GABRB2: variants seen among roughly 807,000 people sequenced by gnomAD.
GABRB2 encodes the protein gamma-aminobutyric acid receptor subunit beta-2.
A neutral mutation model predicts 54.7 loss-of-function variants in GABRB2; 16 were observed. The observed-to-expected ratio is 0.29, with a 90% confidence interval of 0.20 to 0.44. GABRB2 has a LOEUF of 0.44. Among genes scored for constraint, GABRB2 ranks in the 20% least tolerant of loss-of-function variants. The pLI is 1.00. For missense variants in GABRB2, 355 were observed against 644.0 expected (o/e 0.55, Z 4.86); for synonymous variants, 244 against 233.8 (o/e 1.04, Z -0.40).
intron 9 of GABRB2, among the ~76,000 whole-genome samples, chr5:161,295,735 A>G (rs901120483): frequency 2.0e-5 from 3 of 152,248 alleles, no homozygotes; most frequent in African/African-American, 7.2e-5. Context: ...CTTTTGAGAA[A>G]TAGAAGCTAT....
At chr5:161,538,725 G>T (rs1388645638) in intron 3 of GABRB2, among the ~76,000 whole-genome samples, 2 of 152,138 alleles carry the variant, frequency 1.3e-5, no homozygotes, top group African/African-American at 4.8e-5. Flanking sequence ...TCGGGAGACT[G>T]AGATGAGAGA....
At chr5:161,316,188 A>C (rs1013073141) in intron 9 of GABRB2, among the ~76,000 whole-genome samples, 32 of 152,162 alleles carry the variant, frequency 2.1e-4, no homozygotes, top group African/African-American at 7.5e-4. Flanking sequence ...ATTTTTTGAC[A>C]GAGGTTGACA....
At chr5:161,544,722 G>A (rs1760917934) in intron 3 of GABRB2, among the ~76,000 whole-genome samples, 1 of 152,164 alleles carries the variant, frequency 6.6e-6, no homozygotes, top group Non-Finnish European at 1.5e-5. Flanking sequence ...AGCAAACAAT[G>A]GAGTTGGGGC....
At chr5:161,486,733 A>G (rs1016033368) in intron 3 of GABRB2, among the ~76,000 whole-genome samples, 3 of 151,696 alleles carry the variant, frequency 2.0e-5, no homozygotes, top group African/African-American at 7.3e-5. Context: ...CTATCCTCCT[A>G]AGTCTCCTCC....
intron 3 of GABRB2, among the ~76,000 whole-genome samples, chr5:161,492,824 C>T (rs1759122787): frequency 6.6e-6 from 1 of 151,738 alleles, no homozygotes; most frequent in Non-Finnish European, 1.5e-5. Flanking sequence ...TGATAGATCT[C>T]AGACATCTTT....
chr5:161,534,703 T>C (rs1028249733), intron 3 of GABRB2, among the ~76,000 whole-genome samples: 2 of 152,082 alleles, frequency 1.3e-5, no homozygotes, highest in Admixed American at 1.3e-4. Flanking sequence ...TGCCTAAAAA[T>C]AGATGAATTA....
intron 3 of GABRB2, among the ~76,000 whole-genome samples, chr5:161,522,416 T>C (rs1168165038): frequency 2.0e-5 from 3 of 151,770 alleles, no homozygotes; most frequent in Non-Finnish European, 4.4e-5. Context: ...GAGTTAGCAA[T>C]GCACTTATTC....
intron 4 of GABRB2, among the ~76,000 whole-genome samples, chr5:161,444,756 G>A (rs1757568648): frequency 6.6e-6 from 1 of 152,052 alleles, no homozygotes; most frequent in Non-Finnish European, 1.5e-5. Flanking sequence ...TTTTCTACTA[G>A]ATGGGACAAT....
intron 9 of GABRB2, among the ~76,000 whole-genome samples, chr5:161,313,544 C>T (rs1303184732): frequency 4.7e-5 from 7 of 150,128 alleles, no homozygotes; most frequent in Non-Finnish European, 1.5e-5. Context: ...AGTGGACTGA[C>T]TGCCGTTAGA....
intron 4 of GABRB2, among the ~76,000 whole-genome samples, chr5:161,427,296 G>A (rs1198500236): frequency 6.6e-6 from 1 of 152,120 alleles, no homozygotes; most frequent in Non-Finnish European, 1.5e-5. Context: ...GGACCAAACA[G>A]GAAGCTTTGA....
intron 3 of GABRB2, among the ~76,000 whole-genome samples, chr5:161,472,058 G>A (rs1171400895): frequency 6.6e-6 from 1 of 151,788 alleles, no homozygotes; most frequent in Non-Finnish European, 1.5e-5. Flanking sequence ...CATAAAACAA[G>A]AGAGATCACA....
At chr5:161,374,012 C>T (rs1007480808) in intron 5 of GABRB2, among the ~76,000 whole-genome samples, 8 of 152,080 alleles carry the variant, frequency 5.3e-5, no homozygotes, top group African/African-American at 1.2e-4. Flanking sequence ...GGCACGATCT[C>T]GGCTCACTGC....
chr5:161,304,361 T>C (rs1420605979), intron 9 of GABRB2, among the ~76,000 whole-genome samples: 1 of 152,216 alleles, frequency 6.6e-6, no homozygotes, highest in Non-Finnish European at 1.5e-5. Context: ...TTAAAACATG[T>C]ATGGCATAAC....
At chr5:161,529,940 A>G (rs535641661) in intron 3 of GABRB2, among the ~76,000 whole-genome samples, 1 of 152,224 alleles carries the variant, frequency 6.6e-6, no homozygotes, top group African/African-American at 2.4e-5. Context: ...CAAACAGAAC[A>G]CAGCTACAAT....
At chr5:161,438,607 G>A (rs1281942106) in intron 4 of GABRB2, among the ~76,000 whole-genome samples, 39 of 152,096 alleles carry the variant, frequency 2.6e-4, no homozygotes, top group Admixed American at 2.6e-3. Flanking sequence ...TTCAGACACA[G>A]AATTCAAAAT....
chr5:161,298,140 T>C (rs752399266), intron 9 of GABRB2, among the ~76,000 whole-genome samples: 4 of 152,178 alleles, frequency 2.6e-5, no homozygotes, highest in Non-Finnish European at 2.9e-5. Context: ...TTTTCTCTTG[T>C]TAATTTGTTT....
At chr5:161,479,881 C>T (rs1338372732) in intron 3 of GABRB2, among the ~76,000 whole-genome samples, 1 of 152,030 alleles carries the variant, frequency 6.6e-6, no homozygotes, top group Non-Finnish European at 1.5e-5. Context: ...AGTCACCGCA[C>T]CCAGCTGAAA....
At chr5:161,539,712 C>T (rs983638213) in intron 3 of GABRB2, among the ~76,000 whole-genome samples, 8 of 152,076 alleles carry the variant, frequency 5.3e-5, no homozygotes, top group African/African-American at 1.4e-4. Context: ...TACATGAAGG[C>T]ATACCACAGA....
intron 4 of GABRB2, among the ~76,000 whole-genome samples, chr5:161,455,212 C>A (rs1191129656): frequency 6.6e-6 from 1 of 151,498 alleles, no homozygotes; most frequent in East Asian, 1.9e-4. Flanking sequence ...AGTGGGCATG[C>A]TTTTGCAGAA....
Sources: gnomAD v4.1 joint callset for allele counts (sites outside exome capture counted in the v4.1 genomes callset) on GRCh38, gnomAD v4.1.1 for gene constraint, MANE v1.5 for transcripts, NCBI Gene and HGNC (gene_info 2026-07-23, HGNC 2026-07-21) for gene names.